The following SULF1 variants were observed in gnomAD, a reference collection of about 807,000 sequenced individuals.
SULF1 encodes extracellular sulfatase Sulf-1.
A neutral mutation model predicts 110.5 loss-of-function variants in SULF1; 46 were observed. That is an observed-to-expected ratio of 0.42 (90% CI 0.33 to 0.53). The LOEUF (loss-of-function observed/expected upper bound fraction) is 0.53. Ranked by LOEUF, SULF1 falls within the 20% of genes least tolerant of loss-of-function variation. The probability of loss-of-function intolerance (pLI) is 0.12; values close to 1 mark genes in which losing one functional copy is unlikely to be tolerated. For synonymous variants in SULF1, 371 were observed against 387.1 expected (o/e 0.96, Z 0.49); for missense variants, 941 against 1,094.2 (o/e 0.86, Z 1.98).
intron 8 of SULF1, among the ~76,000 whole-genome samples, chr8:69,595,275 G>C (rs1035232109): frequency 2.0e-5 from 3 of 152,164 alleles, no homozygotes; most frequent in African/African-American, 7.2e-5. Context: ...GGCCCCAGGT[G>C]ATCTTCTCAC....
chr8:69,494,006 G>A, intron 1 of SULF1, among the ~76,000 whole-genome samples: 1 of 150,844 alleles, frequency 6.6e-6, no homozygotes, highest in South Asian at 2.1e-4. Flanking sequence ...AAAAACAAAG[G>A]GTCTATTTTG....
chr8:69,600,527 T>C, intron 8 of SULF1, 76 bp from the exon 9 acceptor site: 1 of 1,402,838 alleles, frequency 7.1e-7, no homozygotes, highest in Middle Eastern at 2.0e-4. Context: ...TTAATGATTA[T>C]TTCACAACCT....
chr8:69,596,382 T>G (rs868490862), intron 8 of SULF1, among the ~76,000 whole-genome samples: 1 of 152,176 alleles, frequency 6.6e-6, no homozygotes, highest in Non-Finnish European at 1.5e-5. Context: ...CCTCTCAATT[T>G]TAAAGCAAAT....
intron 8 of SULF1, among the ~76,000 whole-genome samples, chr8:69,597,837 T>C (rs1020991498): frequency 5.9e-5 from 9 of 152,204 alleles, no homozygotes; most frequent in Admixed American, 6.5e-5. Context: ...TAATCTGTTA[T>C]AGCTGTATTC....
intron 3 of SULF1, among the ~76,000 whole-genome samples, chr8:69,505,922 C>A (rs1252293230): frequency 6.6e-6 from 1 of 151,110 alleles, no homozygotes; most frequent in Non-Finnish European, 1.5e-5. Context: ...ACACACTTAA[C>A]CCAAATCAGT....
intron 2 of SULF1, among the ~76,000 whole-genome samples, chr8:69,501,581 C>CT (rs1304504145): frequency 1.3e-5 from 2 of 152,180 alleles, no homozygotes; most frequent in Non-Finnish European, 2.9e-5. Context: ...GGAAACTCTT[C>CT]TTTAATGGTT....
chr8:69,482,794 G>A (rs948367737), intron 1 of SULF1, among the ~76,000 whole-genome samples: 2 of 152,034 alleles, frequency 1.3e-5, no homozygotes, highest in East Asian at 3.9e-4. Context: ...ATAAACAGCT[G>A]ATTAGAGGCA....
At chr8:69,481,158 G>A (rs991530644) in intron 1 of SULF1, among the ~76,000 whole-genome samples, 9 of 152,004 alleles carry the variant, frequency 5.9e-5, no homozygotes, top group Non-Finnish European at 1.3e-4. Context: ...AAAGAAATAC[G>A]TCATAGGAAA....
chr8:69,546,698 A>C (rs1171501405), intron 3 of SULF1, among the ~76,000 whole-genome samples: 1 of 152,246 alleles, frequency 6.6e-6, no homozygotes, highest in Admixed American at 6.5e-5. Flanking sequence ...TATTTTGTAG[A>C]CATATTGTTA....
At chr8:69,528,834 T>A (rs1348654055) in intron 3 of SULF1, among the ~76,000 whole-genome samples, 2 of 152,170 alleles carry the variant, frequency 1.3e-5, no homozygotes, top group East Asian at 3.9e-4. Context: ...AGGTAGTAGT[T>A]CCCTGTCTGT....
intron 13 of SULF1, among the ~76,000 whole-genome samples, chr8:69,617,420 TA>T (rs1809259742): frequency 1.2e-5 from 1 of 84,328 alleles, no homozygotes; most frequent in East Asian, 3.1e-4. Flanking sequence ...TATATATATA[TA>T]TATATATATA....
Position 69,621,253 on chromosome 8 carries a change from T to G in SULF1, c.1594+2T>G, listed in dbSNP as rs1211209319. On this transcript the variant is annotated splice_donor_variant, in intron 14 of 22. Coordinates refer to ENST00000402687, the MANE Select transcript of SULF1 (RefSeq NM_001128205.2). LOFTEE classifies it high-confidence loss of function. ...TCTTGAGAAACCAGGGGACTCCAAGTAAGCCACGCTTTTGTGACCATCTCA... is the reference window on the plus strand; with the variant it reads ...TCTTGAGAAACCAGGGGACTCCAAGGAAGCCACGCTTTTGTGACCATCTCA... 6.2e-7 allele frequency: 1 copy of G among 1,609,892 alleles called. No individual in the cohort carries two copies. Among genetic ancestry groups the G allele is most frequent in the Non-Finnish European group, 8.5e-7 (1 of 1,177,632 alleles).
chr8:69,621,844 T>C (rs1396400149), intron 14 of SULF1, among the ~76,000 whole-genome samples: 2 of 152,240 alleles, frequency 1.3e-5, no homozygotes, highest in African/African-American at 2.4e-5. Flanking sequence ...CCTACGATTA[T>C]ATAAATGTGA....
At chr8:69,631,150 A>C (rs535622891) in intron 19 of SULF1, among the ~76,000 whole-genome samples, 107 of 152,332 alleles carry the variant, frequency 7.0e-4, no homozygotes, top group African/African-American at 2.5e-3. Context: ...CAGAGGGAAC[A>C]GTGCAAGCAG....
At chr8:69,623,256 A>G (rs1267644528) in intron 14 of SULF1, among the ~76,000 whole-genome samples, 5 of 152,118 alleles carry the variant, frequency 3.3e-5, no homozygotes, top group African/African-American at 1.2e-4. Flanking sequence ...TACAAATAGA[A>G]GTTGTCTAGA....
chr8:69,576,564 A>G (rs1391913263), intron 6 of SULF1, among the ~76,000 whole-genome samples: 1 of 152,054 alleles, frequency 6.6e-6, no homozygotes, highest in African/African-American at 2.4e-5. Context: ...TAATTGCTAC[A>G]CCTCCTATTA....
intron 2 of SULF1, among the ~76,000 whole-genome samples, chr8:69,500,305 G>T (rs918465477): frequency 6.6e-6 from 1 of 152,088 alleles, no homozygotes; most frequent in Admixed American, 6.6e-5. Flanking sequence ...AACCCTATGG[G>T]GTAGATACCA....
chr8:69,501,236 T>TAAA (rs1810776603), intron 2 of SULF1, among the ~76,000 whole-genome samples: 2 of 152,374 alleles, frequency 1.3e-5, no homozygotes, highest in East Asian at 3.9e-4. Flanking sequence ...TTCTCTTTTA[T>TAAA]ATCATATGCA....
At chr8:69,554,945 C>T (rs1386359290) in intron 3 of SULF1, among the ~76,000 whole-genome samples, 1 of 131,132 alleles carries the variant, frequency 7.6e-6, no homozygotes, top group Non-Finnish European at 1.5e-5. Flanking sequence ...CGCCACTGCA[C>T]TCCAGCCTGG....
Sources: allele counts gnomAD v4.1 joint callset (sites outside exome capture counted in the v4.1 genomes callset), GRCh38; gene constraint gnomAD v4.1.1; transcripts MANE v1.5; gene names NCBI Gene and HGNC (gene_info 2026-07-23, HGNC 2026-07-21).